Variants in ACSL6 observed in about 807,000 individuals in gnomAD.
The protein encoded by ACSL6 is acyl-CoA synthetase long chain family member 6, also known as long-chain-fatty-acid--CoA ligase 6.
A neutral mutation model predicts 98.2 loss-of-function variants in ACSL6; 47 were observed. The observed-to-expected ratio is 0.48, with a 90% CI of 0.38 to 0.61. ACSL6 has a LOEUF of 0.61. ACSL6 is among the 20% of genes least tolerant of loss of function. The probability of loss-of-function intolerance (pLI) is 0.00; values close to 1 mark genes in which losing one functional copy is unlikely to be tolerated. For synonymous variants in ACSL6, 362 were observed against 336.9 expected (o/e 1.07, Z -0.82); for missense variants, 761 against 913.4 (o/e 0.83, Z 2.15).
intron 8 of ACSL6, among the ~76,000 whole-genome samples, chr5:131,986,096 G>A (rs893371865): frequency 4.6e-5 from 7 of 152,214 alleles, no homozygotes; most frequent in African/African-American, 1.7e-4. Context: ...GGTGTTTTGG[G>A]GAGAGGAACC....
chr5:131,978,825 C>T (rs1753758153), intron 9 of ACSL6, among the ~76,000 whole-genome samples: 1 of 152,136 alleles, frequency 6.6e-6, no homozygotes, highest in Non-Finnish European at 1.5e-5. Context: ...TTACTGGTGA[C>T]CCATTTGTCA....
intron 18 of ACSL6, among the ~76,000 whole-genome samples, chr5:131,961,674 G>A (rs1388272100): frequency 6.6e-6 from 1 of 152,076 alleles, no homozygotes; most frequent in East Asian, 1.9e-4. Flanking sequence ...TCCAGCCTGG[G>A]TGACAGAGTG....
intron 16 of ACSL6, 27 bp downstream of exon 16, chr5:131,967,913 G>T (rs1305123511): frequency 1.9e-6 from 3 of 1,594,244 alleles, no homozygotes; most frequent in Non-Finnish European, 2.6e-6. Flanking sequence ...AGCAGCCACA[G>T]GCATGAATGG....
chr5:131,988,051 C>T lies in ACSL6; in HGVS notation c.828G>A (p.Val276=). Reference sequence around the variant, plus strand: ...CCGCCCAGAAGCAGACCCTCACCTCCACGGCCTGCATGGACTTAATGACCA... The same window carrying T: ...CCGCCCAGAAGCAGACCCTCACCTCTACGGCCTGCATGGACTTAATGACCA... ...CGVVIKSMQA[V]EDCGQENHQA... Residue 276 remains valine (V), a synonymous_variant, in exon 7 of 21, where the codon GTG becomes GTA. Coordinates refer to ENST00000651883, the MANE Select transcript of ACSL6 (RefSeq NM_001009185.3). 2 of 1,613,848 alleles carry T rather than the reference C, an allele frequency of 1.2e-6. No individual in the cohort carries two copies. Among genetic ancestry groups the T allele is most frequent in the South Asian group, 1.1e-5 (1 of 91,006 alleles).
chr5:132,009,694 C>A, intron 1 of ACSL6, among the ~76,000 whole-genome samples: 1 of 152,252 alleles, frequency 6.6e-6, no homozygotes, highest in East Asian at 1.9e-4. Context: ...GAGGCAGATT[C>A]CCCAGTTTCC....
At chr5:131,981,437 A>G (rs1753891105) in intron 9 of ACSL6, among the ~76,000 whole-genome samples, 1 of 151,246 alleles carries the variant, frequency 6.6e-6, no homozygotes, top group Admixed American at 6.6e-5. Flanking sequence ...ACTTGGCTGT[A>G]CAACCAGCAC....
chr5:132,000,059 C>A (rs1240991120), intron 1 of ACSL6, among the ~76,000 whole-genome samples: 1 of 151,932 alleles, frequency 6.6e-6, no homozygotes, highest in African/African-American at 2.4e-5. Flanking sequence ...GGGATGCTAG[C>A]TCTCTGGCAC....
chr5:131,968,872 A>C (rs1753158972), intron 15 of ACSL6, among the ~76,000 whole-genome samples: 1 of 152,236 alleles, frequency 6.6e-6, no homozygotes. Context: ...CAAAGATATC[A>C]ATCCTTATAC....
chr5:131,994,086 C>A lies in ACSL6; in HGVS notation c.215G>T (p.Arg72Leu). 1.2e-6 allele frequency: 2 copies of A among 1,614,178 alleles called. No homozygotes were observed. Among genetic ancestry groups the A allele is most frequent in the Non-Finnish European group, 1.7e-6 (2 of 1,180,048 alleles). ...GCATGGCGGCTGCAAGGCCTTTGGCCGGTGAGTGAACCAGTAGGCAAGGAT... is the reference window on the plus strand; with the variant it reads ...GCATGGCGGCTGCAAGGCCTTTGGCAGGTGAGTGAACCAGTAGGCAAGGAT... ...AAILAYWFTH[R>L]PKALQPPCNL... Residue 72 changes from arginine to leucine, a missense_variant, in exon 2 of 21, where the codon CGG becomes CTG. Transcript: ENST00000651883.
intron 20 of ACSL6, among the ~76,000 whole-genome samples, chr5:131,957,905 A>C (rs1480575147): frequency 6.6e-6 from 1 of 152,208 alleles, no homozygotes; most frequent in Non-Finnish European, 1.5e-5. Context: ...AGAACAGAGA[A>C]AATCAAAAGG....
chr5:131,974,672 T>C (rs1753518224), intron 11 of ACSL6: 2 of 1,481,796 alleles, frequency 1.3e-6, no homozygotes, highest in East Asian at 2.4e-5. Context: ...AGTTTGGTCC[T>C]ACTTCATGCC....
Position 132,011,243 on chromosome 5 carries a change from G to C in ACSL6, c.49+262C>G, listed in dbSNP as rs1313241123. On this transcript the variant is annotated intron_variant, in intron 1 of 20. Transcript: ENST00000651883. The surrounding 1 kb of genome is among the most constrained non-coding windows in gnomAD (Gnocchi z 5.4). ...TCAGGGAAGGGGGACGCAAGAACTC[G>C]GCGGGGGTTTGTGGTGGGGTCGCAG... Among the ~76,000 whole-genome samples, 4 of 152,138 alleles carry C rather than the reference G, an allele frequency of 2.6e-5. No homozygotes were observed. Among genetic ancestry groups the C allele is most frequent in the East Asian group, 3.9e-4 (2 of 5,178 alleles).
chr5:131,962,335 A>G (rs1361378741), intron 18 of ACSL6, among the ~76,000 whole-genome samples, 200 bp downstream of exon 18: 3 of 152,246 alleles, frequency 2.0e-5, no homozygotes, highest in African/African-American at 7.2e-5. Context: ...GGGAATGTTC[A>G]TTAGTACTAC....
chr5:131,962,512 G>A (rs945668535), intron 18 of ACSL6, 23 bp downstream of exon 18: 2 of 1,596,778 alleles, frequency 1.3e-6, no homozygotes, highest in South Asian at 1.1e-5. Context: ...ATATGTGGGA[G>A]GGCTGAAGCC....
At chr5:132,005,113 T>C (rs541445786) in intron 1 of ACSL6, among the ~76,000 whole-genome samples, 3 of 151,866 alleles carry the variant, frequency 2.0e-5, no homozygotes, top group Non-Finnish European at 4.4e-5. Flanking sequence ...GATCACGCCA[T>C]TGCACTCCAG....
rs747814349 is a variant in ACSL6, at chr5:131,960,554, A to G, written c.1925T>C (p.Ile642Thr). ...GCAGAGATCTGCATATGTTCCTTCA[A>G]TTCCTCTCTTCTGGGCCCAGGAGGG... Reference protein sequence around the residue: ...VMPSWAQKRGIEGTYADLCTN... With the variant: ...VMPSWAQKRGTEGTYADLCTN... Residue 642 changes from isoleucine to threonine, a missense_variant, in exon 19 of 21, where the codon ATT becomes ACT. Ile to Thr is a moderately conservative substitution (Grantham distance 89, BLOSUM62 -1). Transcript: ENST00000651883. The G allele has an allele frequency of 2.5e-6, 4 of 1,613,948 alleles. No individual in the cohort carries two copies. The East Asian group carries it at 6.7e-5, about 27-fold the overall frequency.
intron 1 of ACSL6, among the ~76,000 whole-genome samples, chr5:131,998,939 C>G (rs1374977362): frequency 6.6e-6 from 1 of 152,200 alleles, no homozygotes; most frequent in African/African-American, 2.4e-5. Flanking sequence ...CTCCAGCTTC[C>G]TCTGTATCAG....
At chr5:132,003,223 C>G (rs1234314241) in intron 1 of ACSL6, among the ~76,000 whole-genome samples, 1 of 152,230 alleles carries the variant, frequency 6.6e-6, no homozygotes, top group Non-Finnish European at 1.5e-5. Context: ...TCTGAATTTC[C>G]TCCAGTTTAG....
At chr5:131,991,025 G>A in intron 2 of ACSL6, 58 bp from the exon 3 acceptor site, 1 of 1,463,478 alleles carries the variant, frequency 6.8e-7, no homozygotes, top group African/African-American at 1.4e-5. Flanking sequence ...TGCCAGGAGA[G>A]GGCCGCAGCA....
Sources: gnomAD v4.1 joint callset for allele counts (sites outside exome capture counted in the v4.1 genomes callset) on GRCh38, gnomAD v4.1.1 for gene constraint, Gnocchi (gnomAD v3.1) non-coding constraint, MANE v1.5 for transcripts, NCBI Gene and HGNC (gene_info 2026-07-23, HGNC 2026-07-21) for gene names.